BRD3: variants seen among roughly 807,000 people sequenced by gnomAD.
BRD3 encodes bromodomain-containing protein 3.
A neutral mutation model predicts 66.8 loss-of-function variants in BRD3; 17 were observed. The observed-to-expected ratio is 0.25, with a 90% CI of 0.17 to 0.38. BRD3 has a LOEUF of 0.38. BRD3 is among the 10% of genes least tolerant of loss of function. BRD3 has a pLI of 1.00. For missense variants in BRD3, 713 were observed against 956.1 expected, an observed-to-expected ratio of 0.75 and a Z score of 3.35; for synonymous variants, 421 against 393.2, an observed-to-expected ratio of 1.07 and a Z score of -0.84.
chr9:134,040,803 G>C (rs145538912), intron 8 of BRD3, among the ~76,000 whole-genome samples: 1 of 152,196 alleles, frequency 6.6e-6, no homozygotes, highest in East Asian at 1.9e-4. Context: ...TTGATAACAC[G>C]CAGGACTCCG....
Position 134,053,244 on chromosome 9 carries a change from G to A in BRD3, c.213+21C>T, listed in dbSNP as rs376483406. 6 of 1,612,334 alleles carry A rather than the reference G, an allele frequency of 3.7e-6. No homozygotes were observed. The African/African-American group carries it at 5.3e-5, about 14-fold the overall frequency. On this transcript the variant is annotated intron_variant, in intron 2 of 11. Transcript: ENST00000303407. ...ACGGCAGCAGCAGAACGTGGCTCTT[G>A]GGGAGGCAGCAGCTACGCACCGGCA... is the stretch of plus-strand genomic sequence containing the variant.
At chr9:134,068,081 G>A (rs1312593319), upstream of BRD3, 1 of 144,178 alleles carries the variant, frequency 6.9e-6, no homozygotes, top group East Asian at 2.1e-4. Context: ...CCTGGCGGGA[G>A]TCGTAGTCCG....
At chr9:134,043,197 C>T (rs1017230463) in intron 7 of BRD3, among the ~76,000 whole-genome samples, 1 of 151,942 alleles carries the variant, frequency 6.6e-6, no homozygotes. Context: ...TCTTGAACCC[C>T]TGAGCTCAAG....
chr9:134,067,067 T>G (rs1357471767), intron 1 of BRD3, among the ~76,000 whole-genome samples: 1 of 152,128 alleles, frequency 6.6e-6, no homozygotes, highest in Non-Finnish European at 1.5e-5. Context: ...CAGGGCCATG[T>G]GGGTGTACAC....
At chr9:134,063,921 C>T (rs888539466) in intron 1 of BRD3, among the ~76,000 whole-genome samples, 2 of 152,154 alleles carry the variant, frequency 1.3e-5, no homozygotes, top group East Asian at 1.9e-4. Context: ...CCCACAATAC[C>T]GGATTAACTT....
At chr9:134,040,757 A>G (rs1168391444) in intron 8 of BRD3, among the ~76,000 whole-genome samples, 1 of 152,222 alleles carries the variant, frequency 6.6e-6, no homozygotes, top group Non-Finnish European at 1.5e-5. Flanking sequence ...ATGCCCACAC[A>G]AAGGAGATTT....
At chr9:134,042,758 CAT>C in intron 7 of BRD3, among the ~76,000 whole-genome samples, 1 of 146,104 alleles carries the variant, frequency 6.8e-6, no homozygotes, top group Admixed American at 7.2e-5. Context: ...CATATATACA[CAT>C]ATATACACAC....
intron 1 of BRD3, among the ~76,000 whole-genome samples, chr9:134,060,061 G>A (rs1376444305): frequency 2.6e-5 from 4 of 152,300 alleles, no homozygotes; most frequent in South Asian, 2.1e-4. Context: ...CCACCTCCCC[G>A]GGTCTCCCAC....
At chr9:134,062,965 G>T (rs1830576239) in intron 1 of BRD3, among the ~76,000 whole-genome samples, 1 of 152,136 alleles carries the variant, frequency 6.6e-6, no homozygotes, top group Non-Finnish European at 1.5e-5. Context: ...AAACAAAGCT[G>T]CGGCAGGCCC....
chr9:134,044,068 C>T (rs1281542040), intron 7 of BRD3, among the ~76,000 whole-genome samples: 4 of 152,256 alleles, frequency 2.6e-5, no homozygotes, highest in Non-Finnish European at 4.4e-5. Flanking sequence ...CCTCGTTAAA[C>T]TCAACCCAGT....
At chr9:134,047,474 ACCCC>A (rs1470951324) in intron 6 of BRD3, among the ~76,000 whole-genome samples, 3 of 151,946 alleles carry the variant, frequency 2.0e-5, no homozygotes, top group Non-Finnish European at 4.4e-5. Flanking sequence ...ACCCACCACC[ACCCC>A]CCATAGGGAC....
chr9:134,053,735 G>A, intron 1 of BRD3, 145 bp from the exon 2 acceptor site: 1 of 673,880 alleles, frequency 1.5e-6, no homozygotes, highest in East Asian at 3.0e-5. Flanking sequence ...CAGCCACCCA[G>A]GTGAGAGGCT....
In BRD3 at chr9:134,051,847, ATGTGTGTGTGTG is replaced by A. The variant is rs752502651; in HGVS notation, c.352-150_352-139del. 130 of 516,868 alleles carry A rather than the reference ATGTGTGTGTGTG, an allele frequency of 2.5e-4. No homozygotes were observed. In the African/African-American group the frequency reaches 2.7e-3, roughly 11 times the overall value. The allele number at this position is 516,868 out of a possible 1,614,324, so 32.0% of individuals were successfully genotyped here. ...GCGCAGGAGAGAACAAAATGAATAT[ATGTGTGTGTGTG>A]TGTGTGTGTGTGTGTGTGTTGTTTT... On this transcript the variant is annotated intron_variant, in intron 3 of 11. Coordinates refer to ENST00000303407, the MANE Select transcript of BRD3 (RefSeq NM_007371.4).
In BRD3 at chr9:134,041,963, C is replaced by A. The variant is rs754415009; in HGVS notation, c.1216-12G>T. The A allele has an allele frequency of 2.6e-6, 4 of 1,560,608 alleles. No homozygotes were observed. Among genetic ancestry groups the A allele is most frequent in the Middle Eastern group, 1.8e-4 (1 of 5,576 alleles). The stretch of plus-strand genomic sequence containing the variant: ...ATCTCAAACACGTCCTGCGGCAGAA[C>A]AGAGGCTGCCCTGAAGACATGGGTG... On this transcript the variant is annotated splice_polypyrimidine_tract_variant and intron_variant, in intron 7 of 11. Transcript: ENST00000303407.
chr9:134,039,804 C>T lies in BRD3; in HGVS notation c.1643+230G>A, dbSNP rs76326433. 3.0e-3 allele frequency among the ~76,000 whole-genome samples: 464 copies of T among 152,364 alleles called. 2 individuals carry two copies. Among genetic ancestry groups the T allele is most frequent in the African/African-American group, 0.011 (437 of 41,582 alleles). ...TGATGTGGAGACCAGGCCGTGCCAG[C>T]GCTTCAATGCCCAGAATCCAGGCCA... On this transcript the variant is annotated intron_variant, in intron 9 of 11. Coordinates refer to ENST00000303407, the MANE Select transcript of BRD3 (RefSeq NM_007371.4).
chr9:134,052,271 A>G, intron 3 of BRD3, 35 bp downstream of exon 3: 1 of 1,608,486 alleles, frequency 6.2e-7, no homozygotes, highest in South Asian at 1.1e-5. Flanking sequence ...CCCAATCCTT[A>G]CTGCAAGCGG....
intron 1 of BRD3, among the ~76,000 whole-genome samples, chr9:134,055,512 C>T (rs75716047): frequency 6.6e-6 from 1 of 152,208 alleles, no homozygotes; most frequent in African/African-American, 2.4e-5. Flanking sequence ...GCCAGCCACA[C>T]GGCCTGGTCC....
intron 1 of BRD3, among the ~76,000 whole-genome samples, chr9:134,060,587 GACACACACACACACACAC>G (rs10661799): frequency 7.0e-6 from 1 of 143,778 alleles, no homozygotes; most frequent in Non-Finnish European, 1.5e-5. Context: ...GCAAGACCCT[GACACACACACACACACAC>G]ACACACACAC....
chr9:134,042,790 TATACACAC>T (rs769076022), intron 7 of BRD3, among the ~76,000 whole-genome samples: 23 of 47,040 alleles, frequency 4.9e-4, no homozygotes, highest in South Asian at 2.0e-3. Context: ...TATACACAAA[TATACACAC>T]ACACACACAC....
Sources: gnomAD v4.1 joint callset for allele counts (sites outside exome capture counted in the v4.1 genomes callset) on GRCh38, gnomAD v4.1.1 for gene constraint, MANE v1.5 for transcripts, NCBI Gene and HGNC (gene_info 2026-07-23, HGNC 2026-07-21) for gene names.